Variants in ARMC8 observed in about 807,000 individuals in gnomAD.
ARMC8 encodes armadillo repeat containing 8.
ARMC8 carries 20 observed loss-of-function variants against 99.3 expected under a neutral mutation model. The ratio of observed to expected loss-of-function variants is 0.20; its 90% CI spans 0.14 to 0.29. The LOEUF (loss-of-function observed/expected upper bound fraction) is 0.29, where lower values mean the gene tolerates loss of function less well. ARMC8 is among the 10% of genes least tolerant of loss of function. The pLI, the probability that ARMC8 is intolerant of heterozygous loss-of-function variation, is 1.00. For missense variants in ARMC8, 569 were observed against 809.5 expected (o/e 0.70, Z 3.60); for synonymous variants, 263 against 278.3 (o/e 0.95, Z 0.55).
chr3:138,278,654 G>C (rs77269851), intron 18 of ARMC8, among the ~76,000 whole-genome samples: 1 of 152,096 alleles, frequency 6.6e-6, no homozygotes, highest in Non-Finnish European at 1.5e-5. Flanking sequence ...TTGGGAGGAC[G>C]TGACATCTTA....
At position 138,235,067 on chromosome 3, in the gene ARMC8, G is replaced by A. The variant is rs139253596; in HGVS notation, c.562G>A (p.Gly188Ser). The A allele has an allele frequency of 1.5e-5, 24 of 1,613,386 alleles. No homozygotes were observed. Among genetic ancestry groups the A allele is most frequent in the East Asian group, 1.1e-4 (5 of 44,814 alleles). The change falls in exon 7 of 22, where the codon GGT (glycine) becomes AGT (serine). Residue 188 changes from glycine (G) to serine (S), a missense_variant. Gly to Ser is a moderately conservative substitution (Grantham distance 56, BLOSUM62 0). Around this residue, in one of 2 missense-constraint regions of ARMC8, gnomAD observed 342 missense variants for 391.6 expected, o/e 0.87. Coordinates refer to ENST00000469044, the MANE Select transcript of ARMC8 (RefSeq NM_001363941.2). ...TCATCAAACAATTTTATTTAACCAC[G>A]GTGCAGTTCAGAATATTGCTCACCT... ...PDHQTILFNH[G>S]AVQNIAHLLT... is the part of the protein sequence containing the mutation.
At chr3:138,229,169 T>TATATATATATATATAC (rs2045886762) in intron 6 of ARMC8, 159 bp downstream of exon 6, 5 of 48,894 alleles carry the variant, frequency 1.0e-4, no homozygotes, top group African/African-American at 3.3e-4. Context: ...TATATATATA[T>TATATATATATATATAC]ATATATATAT....
intron 17 of ARMC8, 44 bp from the exon 18 acceptor site, chr3:138,274,405 G>C: frequency 7.6e-7 from 1 of 1,315,076 alleles, no homozygotes; most frequent in Non-Finnish European, 1.1e-6. Context: ...TCGTCCTGTG[G>C]TCTTTGTTTC....
intron 1 of ARMC8, 119 bp downstream of exon 1, chr3:138,187,718 G>A (rs1300616179): frequency 2.6e-6 from 3 of 1,145,476 alleles, no homozygotes; most frequent in East Asian, 5.2e-5. Flanking sequence ...CCCCGGCTCA[G>A]TCTCGGGCCA....
At chr3:138,266,056 A>G (rs1174076134) in intron 14 of ARMC8, among the ~76,000 whole-genome samples, 1 of 152,232 alleles carries the variant, frequency 6.6e-6, no homozygotes, top group African/African-American at 2.4e-5. Flanking sequence ...TATGAGGCCT[A>G]TCAGAACAGT....
At chr3:138,212,849 A>G (rs2044781953) in intron 2 of ARMC8, among the ~76,000 whole-genome samples, 1 of 152,244 alleles carries the variant, frequency 6.6e-6, no homozygotes, top group African/African-American at 2.4e-5. Context: ...CCGAAATAGC[A>G]TTAAATCCAA....
At chr3:138,243,706 A>G (rs1290370059) in intron 11 of ARMC8, among the ~76,000 whole-genome samples, 2 of 152,094 alleles carry the variant, frequency 1.3e-5, no homozygotes, top group African/African-American at 4.8e-5. Flanking sequence ...ACGTTATATT[A>G]CCCAACTGAA....
At chr3:138,262,680 G>A (rs554933643) in intron 12 of ARMC8, 3 of 1,245,520 alleles carry the variant, frequency 2.4e-6, no homozygotes, top group East Asian at 2.7e-5. Context: ...CTGGACATAG[G>A]ATTAAAAAAA....
intron 12 of ARMC8, 82 bp downstream of exon 12, chr3:138,245,265 G>A: frequency 2.5e-6 from 4 of 1,613,982 alleles, no homozygotes; most frequent in Non-Finnish European, 3.4e-6. Flanking sequence ...GTGGTGAAGA[G>A]CACTAACAGT....
At chr3:138,276,008 T>C (rs1250175147) in intron 18 of ARMC8, among the ~76,000 whole-genome samples, 1 of 152,152 alleles carries the variant, frequency 6.6e-6, no homozygotes, top group Non-Finnish European at 1.5e-5. Context: ...TAGGAATGAA[T>C]TTTGTCTATA....
At chr3:138,250,316 C>A (rs899703945) in intron 12 of ARMC8, among the ~76,000 whole-genome samples, 11 of 151,966 alleles carry the variant, frequency 7.2e-5, no homozygotes, top group South Asian at 4.2e-4. Flanking sequence ...CTAAGTAATT[C>A]ATTGGGAGAT....
chr3:138,233,003 T>C (rs1432934850), intron 6 of ARMC8, among the ~76,000 whole-genome samples: 1 of 152,254 alleles, frequency 6.6e-6, no homozygotes, highest in East Asian at 1.9e-4. Context: ...AATTTTGGCT[T>C]ATCTTCATGA....
chr3:138,285,902 C>A (rs565435252), intron 19 of ARMC8, among the ~76,000 whole-genome samples: 1 of 152,294 alleles, frequency 6.6e-6, no homozygotes, highest in African/African-American at 2.4e-5. Context: ...ACTTCTCATA[C>A]CCATCGAGAC....
At chr3:138,251,301 A>C (rs1487564324) in intron 12 of ARMC8, among the ~76,000 whole-genome samples, 1 of 152,182 alleles carries the variant, frequency 6.6e-6, no homozygotes, top group Admixed American at 6.5e-5. Context: ...AATGATTCTA[A>C]ATGGGCATTT....
rs1576548784 is a variant in ARMC8, at chr3:138,188,476, G to T, written c.45+877G>T. On this transcript the variant is annotated intron_variant, in intron 1 of 21. Transcript: ENST00000469044. ...CCAGGACCAGGAATGAAAGTTACTG[G>T]GAGATAACTTCGAAGGATTTTGCAA... 1.9e-6 allele frequency: 3 copies of T among 1,613,318 alleles called. No individual in the cohort carries two copies. The East Asian group carries it at 6.7e-5, about 36-fold the overall frequency.
At chr3:138,252,616 G>T (rs1379413981) in intron 12 of ARMC8, among the ~76,000 whole-genome samples, 1 of 151,532 alleles carries the variant, frequency 6.6e-6, no homozygotes, top group Non-Finnish European at 1.5e-5. Context: ...ACCACGCCTG[G>T]CTAATTTTTT....
At chr3:138,262,605 A>T in intron 12 of ARMC8, 1 of 1,584,948 alleles carries the variant, frequency 6.3e-7, no homozygotes, top group African/African-American at 1.4e-5. Context: ...ATTAAAAAAA[A>T]AAAAAAAATT....
intron 18 of ARMC8, among the ~76,000 whole-genome samples, chr3:138,280,497 C>CT (rs1039909334): frequency 0.022 from 2,349 of 107,084 alleles, 53 homozygotes; most frequent in African/African-American, 0.05. Flanking sequence ...TCTTTTTTTT[C>CT]TTTTTTTTTT....
At chr3:138,218,832 T>G (rs2045232249) in intron 2 of ARMC8, among the ~76,000 whole-genome samples, 1 of 152,182 alleles carries the variant, frequency 6.6e-6, no homozygotes, top group Admixed American at 6.5e-5. Context: ...TTCCCAACAT[T>G]AAAAGTTAGT....
Sources: gnomAD v4.1 joint callset for allele counts (sites outside exome capture counted in the v4.1 genomes callset) on GRCh38, gnomAD v4.1.1 for gene constraint, gnomAD v4.1.1 regional missense constraint, MANE v1.5 for transcripts, NCBI Gene and HGNC (gene_info 2026-07-23, HGNC 2026-07-21) for gene names.